Variants in SLC16A3 observed in about 807,000 individuals in gnomAD.
SLC16A3 encodes the protein solute carrier family 16 member 3.
A neutral mutation model predicts 25.0 loss-of-function variants in SLC16A3; 22 were observed. The observed-to-expected ratio is 0.88, with a 90% CI of 0.63 to 1.26. The LOEUF is 1.26. Among genes scored for constraint, SLC16A3 ranks in the 50% most tolerant of loss-of-function variants. The pLI is 0.00. For missense variants in SLC16A3, 731 were observed against 666.6 expected (o/e 1.10, Z -1.06); for synonymous variants, 390 against 309.2 (o/e 1.26, Z -2.74).
chr17:82,237,315 T>A lies in SLC16A3; in HGVS notation c.545T>A (p.Ile182Asn). ...TACGGCTGGCGGGGCGGCTTCCTCA[T>A]CCTGGGCGGCCTGCTGCTCAACTGC... The part of the protein sequence containing the change: ...DRYGWRGGFL[I>N]LGGLLLNCCV... Residue 182 changes from isoleucine to asparagine, a missense_variant, in exon 4 of 5, where the codon ATC becomes AAC. Physicochemically the swap from Ile to Asn is moderately radical, Grantham distance 149. Transcript: ENST00000582743. 6.5e-7 allele frequency: 1 copy of A among 1,548,010 alleles called. No individual in the cohort carries two copies. Among genetic ancestry groups the A allele is most frequent in the Non-Finnish European group, 8.7e-7 (1 of 1,145,996 alleles).
At chr17:82,226,297 C>T (rs1372765558), upstream of SLC16A3, among the ~76,000 whole-genome samples, 3 of 152,104 alleles carry the variant, frequency 2.0e-5, no homozygotes, top group African/African-American at 4.8e-5. Flanking sequence ...CTGTCCACAC[C>T]CCCACCTCCT....
chr17:82,236,451 G>T, intron 2 of SLC16A3: 1 of 630,222 alleles, frequency 1.6e-6, no homozygotes, highest in East Asian at 2.7e-5. Context: ...CAAACGGGTC[G>T]GCTGTATTTA....
At chr17:82,225,525 G>A (rs2050416476), upstream of SLC16A3, among the ~76,000 whole-genome samples, 1 of 152,242 alleles carries the variant, frequency 6.6e-6, no homozygotes, top group Admixed American at 6.5e-5. Flanking sequence ...TGTGTCACCA[G>A]ATCCTCTGGG....
intron 4 of SLC16A3, among the ~76,000 whole-genome samples, 188 bp downstream of exon 4, chr17:82,238,081 C>CTCCG (rs1424529418): frequency 6.6e-6 from 1 of 152,216 alleles, no homozygotes; most frequent in Non-Finnish European, 1.5e-5. Flanking sequence ...GAGTGGGGTG[C>CTCCG]TCCGTCCGGC....
chr17:82,232,708 G>A (rs2050517271), intron 1 of SLC16A3, among the ~76,000 whole-genome samples: 1 of 152,176 alleles, frequency 6.6e-6, no homozygotes, highest in South Asian at 2.1e-4. Flanking sequence ...CCCTGGCTTG[G>A]GAGGGCGCAT....
At position 82,237,548 on chromosome 17, in the gene SLC16A3, G is replaced by C; in HGVS notation, c.778G>C (p.Asp260His). 1.2e-6 allele frequency: 2 copies of C among 1,611,174 alleles called. No individual in the cohort carries two copies. Among genetic ancestry groups the C allele is most frequent in the Non-Finnish European group, 1.7e-6 (2 of 1,178,784 alleles). Residue 260 changes from aspartate (D) to histidine (H), a missense_variant, in exon 4 of 5, where the codon GAC becomes CAC. Physicochemically the swap from Asp to His is moderately conservative, Grantham distance 81. Coordinates refer to ENST00000582743, the MANE Select transcript of SLC16A3 (RefSeq NM_004207.4). ...VSYAKDLGVP[D>H]TKAAFLLTIL... ...CTACGCCAAGGACCTGGGCGTGCCC[G>C]ACACCAAGGCCGCCTTCCTGCTCAC...
intron 1 of SLC16A3, chr17:82,235,091 C>T (rs2050574892): frequency 1.3e-5 from 2 of 152,300 alleles, no homozygotes; most frequent in African/African-American, 2.4e-5. Flanking sequence ...ACGAGCTGAG[C>T]TCCTGGAGTT....
At chr17:82,232,348 G>A (rs1194777249) in intron 1 of SLC16A3, 1 of 152,508 alleles carries the variant, frequency 6.6e-6, no homozygotes, top group Non-Finnish European at 1.5e-5. Flanking sequence ...ACAAACCTGA[G>A]GACCTAGGCG....
Position 82,239,630 on chromosome 17 carries a change from T to G in SLC16A3, c.*654T>G. ...ATTCGTAGCAGGGGCAGGCGCTGCA[T>G]GGAGGGGGCTGCGGGGCAGGTGCCT... is the stretch of plus-strand genomic sequence containing the variant. On this transcript the variant is annotated 3_prime_UTR_variant, in exon 5 of 5. Transcript: ENST00000582743. 1 of 260,138 alleles carries G rather than the reference T, an allele frequency of 3.8e-6. No homozygotes were observed. 16.1% of individuals were successfully genotyped at this position (260,138 alleles called of 1,614,324 possible).
chr17:82,232,827 C>T (rs1413882624), intron 1 of SLC16A3, among the ~76,000 whole-genome samples: 1 of 151,330 alleles, frequency 6.6e-6, no homozygotes, highest in African/African-American at 2.4e-5. Flanking sequence ...GGGGGACCTG[C>T]TCTCCGGGCA....
chr17:82,227,269 C>T (rs74772478), upstream of SLC16A3, among the ~76,000 whole-genome samples: 679 of 152,178 alleles, frequency 4.5e-3, 4 homozygotes, highest in Non-Finnish European at 6.8e-3. Context: ...CAGTGAGGTC[C>T]CAGGCTCTCT....
chr17:82,227,773 C>T (rs747675601), upstream of SLC16A3, among the ~76,000 whole-genome samples: 1 of 152,154 alleles, frequency 6.6e-6, no homozygotes, highest in South Asian at 2.1e-4. Flanking sequence ...CTCACAGGCA[C>T]GTGCCCTCAT....
upstream of SLC16A3, among the ~76,000 whole-genome samples, chr17:82,224,279 C>T (rs368834601): frequency 1.6e-3 from 54 of 33,172 alleles, no homozygotes; most frequent in East Asian, 9.6e-3. Flanking sequence ...CCCCTACACC[C>T]GTGCAGACAC....
intron 1 of SLC16A3, among the ~76,000 whole-genome samples, chr17:82,220,428 G>A (rs2050382126): frequency 6.6e-6 from 1 of 152,212 alleles, no homozygotes; most frequent in East Asian, 1.9e-4. Context: ...ACCCACTCCA[G>A]CTTAAACATG....
chr17:82,236,340 A>AC, intron 2 of SLC16A3, 109 bp downstream of exon 2: 1 of 1,029,328 alleles, frequency 9.7e-7, no homozygotes, highest in Non-Finnish European at 1.4e-6. Context: ...TCCCCAGGGA[A>AC]CCCTGGAGGG....
At chr17:82,222,020 C>T (rs770083173) in intron 1 of SLC16A3, among the ~76,000 whole-genome samples, 18 of 152,140 alleles carry the variant, frequency 1.2e-4, no homozygotes, top group Non-Finnish European at 2.1e-4. Flanking sequence ...TGGACAGGAG[C>T]GTCGCCCTGG....
At position 82,236,679 on chromosome 17, in the gene SLC16A3, G is replaced by T. The variant is rs776925052; in HGVS notation, c.224-50G>T. The T allele has an allele frequency of 2.5e-6, 4 of 1,581,724 alleles. No individual in the cohort carries two copies. In the African/African-American group the frequency reaches 5.4e-5, roughly 21 times the overall value. Reference sequence around the variant, plus strand: ...GGCTGTGAGCTCAGTCGGCTGGCGGGGGTAGAGCTGGCTGCAGGCCCGGCC... The same window carrying T: ...GGCTGTGAGCTCAGTCGGCTGGCGGTGGTAGAGCTGGCTGCAGGCCCGGCC... On this transcript the variant is annotated intron_variant, in intron 2 of 4. Coordinates refer to ENST00000582743, the MANE Select transcript of SLC16A3 (RefSeq NM_004207.4).
At position 82,237,610 on chromosome 17, in the gene SLC16A3, C is replaced by T. The variant is rs1330350269; in HGVS notation, c.840C>T (p.Ala280=). 26 of 1,612,582 alleles carry T rather than the reference C, an allele frequency of 1.6e-5. No homozygotes were observed. Among genetic ancestry groups the T allele is most frequent in the Non-Finnish European group, 2.1e-5 (25 of 1,179,796 alleles). ...TCATTGACATCTTCGCGCGGCCGGC[C>T]GCGGGCTTCGTGGCGGGGCTTGGGA... ...LGFIDIFARP[A]AGFVAGLGKV... Residue 280 remains alanine (A), a synonymous_variant, in exon 4 of 5, where the codon GCC becomes GCT. Coordinates refer to ENST00000582743, the MANE Select transcript of SLC16A3 (RefSeq NM_004207.4).
upstream of SLC16A3, among the ~76,000 whole-genome samples, chr17:82,227,854 C>G (rs938321728): frequency 1.3e-5 from 2 of 152,186 alleles, no homozygotes; most frequent in Non-Finnish European, 2.9e-5. Context: ...TCTGTGAATG[C>G]CAGCGGGAGG....
Sources: gnomAD v4.1 joint callset for allele counts (sites outside exome capture counted in the v4.1 genomes callset) on GRCh38, gnomAD v4.1.1 for gene constraint, MANE v1.5 for transcripts, NCBI Gene and HGNC (gene_info 2026-07-23, HGNC 2026-07-21) for gene names.